The following DPH6 variants were observed in gnomAD, a reference collection of about 807,000 sequenced individuals.
DPH6 encodes diphthine--ammonia ligase.
DPH6 carries 33 observed loss-of-function variants against 38.2 expected under a neutral mutation model. That is an observed-to-expected ratio of 0.86 (90% CI 0.65 to 1.15). The LOEUF is 1.15. Ranked by LOEUF, DPH6 falls within the 50% of genes most tolerant of loss-of-function variation. The pLI, the probability that DPH6 is intolerant of heterozygous loss-of-function variation, is 0.00. For missense variants in DPH6, 325 were observed against 320.0 expected, an observed-to-expected ratio of 1.02 and a Z score of -0.12; for synonymous variants, 108 against 103.0, an observed-to-expected ratio of 1.05 and a Z score of -0.30.
intron 3 of DPH6, among the ~76,000 whole-genome samples, chr15:35,334,428 G>T (rs571758192): frequency 6.6e-6 from 1 of 152,026 alleles, no homozygotes; most frequent in Non-Finnish European, 1.5e-5. Flanking sequence ...AGGGGTAAAT[G>T]TGCAGGATGT....
intron 6 of DPH6, among the ~76,000 whole-genome samples, chr15:35,389,324 T>C (rs1268186144): frequency 6.6e-6 from 1 of 152,214 alleles, no homozygotes; most frequent in Non-Finnish European, 1.5e-5. Context: ...TCTGTTGATT[T>C]GGGGTGCAGA....
chr15:35,172,373 G>A, the DPH6 span, among the ~76,000 whole-genome samples: 3 of 152,128 alleles, frequency 2.0e-5, no homozygotes, highest in Admixed American at 1.3e-4. Context: ...AAGGTGTTTA[G>A]GGTAACTTGT....
intron 5 of DPH6, among the ~76,000 whole-genome samples, chr15:35,426,992 G>A (rs1427868075): frequency 1.4e-5 from 2 of 148,092 alleles, no homozygotes; most frequent in African/African-American, 2.5e-5. Context: ...TACTGTCAGG[G>A]GAAGAAAGAA....
chr15:35,422,134 C>T lies in DPH6; in HGVS notation c.506-11238G>A, dbSNP rs2053513881. ...TCCTTCAAATATATATATATATAAACCAAATAGATGAAGGTTTGGGAAGGA... is the reference window on the plus strand; with the variant it reads ...TCCTTCAAATATATATATATATAAATCAAATAGATGAAGGTTTGGGAAGGA... On this transcript the variant is annotated intron_variant, in intron 5 of 8. Transcript: ENST00000256538. 2.0e-5 allele frequency among the ~76,000 whole-genome samples: 3 copies of T among 150,656 alleles called. No individual in the cohort carries two copies. In the South Asian group the frequency reaches 6.3e-4, roughly 32 times the overall value.
At chr15:35,208,728 G>A in the DPH6 span, among the ~76,000 whole-genome samples, 5 of 152,086 alleles carry the variant, frequency 3.3e-5, no homozygotes, top group South Asian at 2.1e-4. Flanking sequence ...AATATCTGGC[G>A]GTGTAAGACT....
the DPH6 span, among the ~76,000 whole-genome samples, chr15:35,210,301 G>T: frequency 2.0e-5 from 3 of 152,152 alleles, no homozygotes; most frequent in African/African-American, 7.2e-5. Flanking sequence ...AGGTTATTCT[G>T]GGGATTAGAT....
At chr15:35,214,613 AC>A (rs1349253276), downstream of DPH6, among the ~76,000 whole-genome samples, 7 of 151,950 alleles carry the variant, frequency 4.6e-5, no homozygotes, top group Non-Finnish European at 8.8e-5. Context: ...CACGGATAAA[AC>A]TTTTTTTTTT....
intron 3 of DPH6, among the ~76,000 whole-genome samples, chr15:35,505,947 T>C (rs570433794): frequency 6.6e-6 from 1 of 152,238 alleles, no homozygotes; most frequent in African/African-American, 2.4e-5. Context: ...GTCAGTATTT[T>C]AAAATTTTAT....
chr15:35,519,960 C>T (rs1327805882), intron 3 of DPH6: 1 of 151,838 alleles, frequency 6.6e-6, no homozygotes, highest in Non-Finnish European at 1.5e-5. Context: ...TTTTGCATTT[C>T]CCTTTGTAGT....
downstream of DPH6, among the ~76,000 whole-genome samples, chr15:35,369,994 A>G (rs1466056776): frequency 1.3e-5 from 2 of 151,870 alleles, no homozygotes; most frequent in East Asian, 3.9e-4. Context: ...AGTAATCAAG[A>G]CTGTGGTATT....
chr15:35,314,115 AAATT>A (rs923532224), intron 3 of DPH6, among the ~76,000 whole-genome samples: 2 of 152,022 alleles, frequency 1.3e-5, no homozygotes, highest in African/African-American at 4.8e-5. Context: ...AAAAAAAAGA[AAATT>A]AAAAAAATGG....
downstream of DPH6, among the ~76,000 whole-genome samples, chr15:35,212,610 C>G (rs557649931): frequency 8.5e-5 from 13 of 152,288 alleles, no homozygotes; most frequent in African/African-American, 3.1e-4. Context: ...AGGAAATATA[C>G]TTTTCATTAA....
intron 3 of DPH6, among the ~76,000 whole-genome samples, chr15:35,479,690 A>T (rs1261053844): frequency 6.6e-6 from 1 of 152,044 alleles, no homozygotes; most frequent in East Asian, 1.9e-4. Flanking sequence ...CTCTCACATC[A>T]CAGGGTTTAA....
At chr15:35,471,451 C>A (rs1016056739) in intron 3 of DPH6, among the ~76,000 whole-genome samples, 1 of 152,152 alleles carries the variant, frequency 6.6e-6, no homozygotes, top group Admixed American at 6.5e-5. Flanking sequence ...AATTACTTCT[C>A]CCTCCAATTG....
chr15:35,536,967 G>A (rs75694276), intron 3 of DPH6, among the ~76,000 whole-genome samples: 2,006 of 152,064 alleles, frequency 0.013, 44 homozygotes, highest in African/African-American at 0.036. Flanking sequence ...TTTCAAAAGT[G>A]TCTACTTCTT....
chr15:35,310,193 C>A (rs2052128928), intron 3 of DPH6, among the ~76,000 whole-genome samples: 1 of 152,136 alleles, frequency 6.6e-6, no homozygotes, highest in Non-Finnish European at 1.5e-5. Context: ...TCTTTAGGGA[C>A]AGTGGGATTC....
At chr15:35,526,430 T>C (rs2055003868) in intron 3 of DPH6, among the ~76,000 whole-genome samples, 1 of 152,184 alleles carries the variant, frequency 6.6e-6, no homozygotes, top group Non-Finnish European at 1.5e-5. Context: ...ATAGGCTTAA[T>C]TTTGGTAAGT....
chr15:35,320,747 A>C (rs1451000670), intron 3 of DPH6, among the ~76,000 whole-genome samples: 2 of 152,168 alleles, frequency 1.3e-5, no homozygotes, highest in African/African-American at 2.4e-5. Flanking sequence ...TATACGTTCC[A>C]AAAACTCACA....
chr15:35,501,372 A>G (rs8027351), intron 3 of DPH6, among the ~76,000 whole-genome samples: 2,782 of 152,324 alleles, frequency 0.018, 88 homozygotes, highest in African/African-American at 0.062. Flanking sequence ...CAGACATTCA[A>G]GTAGTTCCCC....
Sources: gnomAD v4.1 joint callset for allele counts (sites outside exome capture counted in the v4.1 genomes callset) on GRCh38, gnomAD v4.1.1 for gene constraint, MANE v1.5 for transcripts, NCBI Gene and HGNC (gene_info 2026-07-23, HGNC 2026-07-21) for gene names.